HERC4: variants seen among roughly 807,000 people sequenced by gnomAD.
HERC4 encodes the protein probable E3 ubiquitin-protein ligase HERC4.
Under a neutral mutation model 124.3 loss-of-function variants are expected in HERC4, and 28 were observed. That is an observed-to-expected ratio of 0.23 (90% CI 0.17 to 0.31). The LOEUF is 0.31. Among genes scored for constraint, HERC4 ranks in the 10% least tolerant of loss-of-function variants. The pLI, the probability that HERC4 is intolerant of heterozygous loss-of-function variation, is 1.00. For synonymous variants in HERC4, 407 were observed against 421.5 expected (o/e 0.97, Z 0.42); for missense variants, 713 against 1,229.3 (o/e 0.58, Z 6.28).
chr10:68,027,560 T>C (rs1370802295), intron 7 of HERC4, among the ~76,000 whole-genome samples: 6 of 152,242 alleles, frequency 3.9e-5, no homozygotes, highest in African/African-American at 7.2e-5. Context: ...AGGCCATGTT[T>C]AAATCTTCCT....
chr10:68,010,677 C>T (rs938239293), intron 9 of HERC4: 21 of 1,474,348 alleles, frequency 1.4e-5, no homozygotes, highest in African/African-American at 9.7e-5. Context: ...CAGCAAGGGC[C>T]GCGCCGCTTA....
At chr10:68,013,725 T>C (rs774500007) in intron 9 of HERC4, among the ~76,000 whole-genome samples, 25 of 152,328 alleles carry the variant, frequency 1.6e-4, no homozygotes, top group Middle Eastern at 3.4e-3. Context: ...TTTTATGTTG[T>C]GTATATTTTA....
intron 15 of HERC4, among the ~76,000 whole-genome samples, chr10:67,968,442 G>A (rs1473199702): frequency 6.7e-6 from 1 of 149,590 alleles, no homozygotes; most frequent in African/African-American, 2.5e-5. Context: ...GTGTGATCTC[G>A]GCTCACTGCA....
chr10:68,006,375 G>GTT (rs772576805), intron 9 of HERC4, among the ~76,000 whole-genome samples: 7 of 134,028 alleles, frequency 5.2e-5, no homozygotes, highest in Non-Finnish European at 1.2e-4. Context: ...TTTTGTTTTT[G>GTT]TTTTTTTTTT....
chr10:67,995,153 T>C, intron 9 of HERC4: 1 of 409,760 alleles, frequency 2.4e-6, no homozygotes, highest in Non-Finnish European at 4.9e-6. Flanking sequence ...CTAGACAGGT[T>C]TCAATCACCA....
chr10:67,969,033 G>A (rs1205833856), intron 15 of HERC4, among the ~76,000 whole-genome samples: 1 of 152,164 alleles, frequency 6.6e-6, no homozygotes, highest in Non-Finnish European at 1.5e-5. Flanking sequence ...ACATTTAAAA[G>A]AATCCAAAGT....
At position 67,949,452 on chromosome 10, in the gene HERC4, A is replaced by G. The variant is rs531875312; in HGVS notation, c.2337+5143T>C. On this transcript the variant is annotated intron_variant, in intron 19 of 24. Transcript: ENST00000373700. ...ATTCTATGAGATCATCACTATCAAA[A>G]TACCAGAAAAGGACCTTGCACACGC... Among the ~76,000 whole-genome samples the G allele has an allele frequency of 5.9e-5, 9 of 152,296 alleles. No individual in the cohort carries two copies. In the East Asian group the frequency reaches 1.7e-3, roughly 29 times the overall value.
chr10:67,940,792 T>G (rs2032817819), intron 20 of HERC4, 147 bp downstream of exon 20: 1 of 722,780 alleles, frequency 1.4e-6, no homozygotes, highest in Non-Finnish European at 2.2e-6. Flanking sequence ...CATAATGGAT[T>G]TTCCTTTATT....
intron 4 of HERC4, 89 bp downstream of exon 4, chr10:68,044,315 T>C: frequency 7.7e-7 from 1 of 1,299,476 alleles, no homozygotes. Context: ...ATGTCAACTC[T>C]TACAGGCCCA....
At chr10:67,962,754 T>C (rs2034603840) in intron 16 of HERC4, among the ~76,000 whole-genome samples, 1 of 152,170 alleles carries the variant, frequency 6.6e-6, no homozygotes, top group Non-Finnish European at 1.5e-5. Flanking sequence ...CTGAGAATAG[T>C]ACCTAGAAAA....
At chr10:68,039,375 AAT>A (rs1317520857) in intron 4 of HERC4, 4 of 1,539,606 alleles carry the variant, frequency 2.6e-6, no homozygotes, top group Admixed American at 4.1e-5. Flanking sequence ...GGAGGTACAC[AAT>A]ATGTTTCTTA....
At chr10:67,961,376 TTCATA>T (rs1392970387) in intron 16 of HERC4, 3 of 152,424 alleles carry the variant, frequency 2.0e-5, no homozygotes, top group African/African-American at 7.2e-5. Context: ...AGCACGTGCT[TTCATA>T]TCATATCTAT....
chr10:67,962,887 C>T lies in HERC4; in HGVS notation c.1926+3796G>A, dbSNP rs75763220. Among the ~76,000 whole-genome samples, 735 of 152,252 alleles carry T rather than the reference C, an allele frequency of 4.8e-3. 7 individuals carry two copies. The highest frequency in any genetic ancestry group is 0.017 in the African/African-American group (709 of 41,560). Reference sequence around the variant, plus strand: ...TAGCCTGTGTCAAGGTAGCCAGCAACAATAATCACCATTTTATAAAGACTT... The same window carrying T: ...TAGCCTGTGTCAAGGTAGCCAGCAATAATAATCACCATTTTATAAAGACTT... On this transcript the variant is annotated intron_variant, in intron 16 of 24. Transcript: ENST00000373700.
At chr10:67,999,237 G>A (rs1432284912) in intron 9 of HERC4, among the ~76,000 whole-genome samples, 4 of 152,128 alleles carry the variant, frequency 2.6e-5, no homozygotes, top group Non-Finnish European at 5.9e-5. Flanking sequence ...TGAGTTCCTT[G>A]AAAATAGGCC....
rs1311530641 is a variant in HERC4 at position 68,059,573 on chromosome 10, TATC to T, written c.226+13307_226+13309del. On this transcript the variant is annotated intron_variant, in intron 3 of 24. Transcript: ENST00000373700. ...TCATAATATATATCATAATATTATA[TATC>T]ATATTATATATCATATTATATATCA... is the stretch of plus-strand genomic sequence containing the variant. Among the ~76,000 whole-genome samples the T allele has an allele frequency of 1.1e-4, 9 of 79,110 alleles. 2 individuals are homozygous for T. The highest frequency in any genetic ancestry group is 1.6e-4 in the African/African-American group (2 of 12,278). The allele number at this position is 79,110 out of a possible 152,430, so 51.9% of individuals were successfully genotyped here. A position where few individuals can be genotyped will look rare whatever the true frequency, so the allele number is the denominator to read the frequency against.
intron 16 of HERC4, among the ~76,000 whole-genome samples, chr10:67,964,091 ATT>A (rs11327388): frequency 1.1e-4 from 14 of 129,218 alleles, no homozygotes; most frequent in African/African-American, 2.9e-4. Flanking sequence ...CTACCACTCC[ATT>A]TTTTTTTTTT....
intron 14 of HERC4, 80 bp downstream of exon 14, chr10:67,990,131 C>T: frequency 1.1e-5 from 13 of 1,203,446 alleles, no homozygotes; most frequent in Non-Finnish European, 1.5e-5. Context: ...GGCAGCAGAA[C>T]TGCAAATGGC....
chr10:67,970,484 T>C (rs2035165842), intron 15 of HERC4, among the ~76,000 whole-genome samples: 1 of 151,484 alleles, frequency 6.6e-6, no homozygotes, highest in Admixed American at 6.6e-5. Flanking sequence ...CCCAGCAACT[T>C]GGGAGGCTAA....
intron 3 of HERC4, chr10:68,069,915 C>T (rs191469207): frequency 1.0e-3 from 390 of 376,396 alleles, no homozygotes; most frequent in Non-Finnish European, 1.4e-3. Flanking sequence ...GGTGGCACGC[C>T]CCTATAGTCC....
Sources: gnomAD v4.1 joint callset for allele counts (sites outside exome capture counted in the v4.1 genomes callset) on GRCh38, gnomAD v4.1.1 for gene constraint, MANE v1.5 for transcripts, NCBI Gene and HGNC (gene_info 2026-07-23, HGNC 2026-07-21) for gene names.